L3MBTL4: variants seen among roughly 807,000 people sequenced by gnomAD.
L3MBTL4 encodes lethal(3)malignant brain tumor-like protein 4.
L3MBTL4 carries 70 observed loss-of-function variants against 84.5 expected under a neutral mutation model. That is an observed-to-expected ratio of 0.83 (90% CI 0.68 to 1.01). The LOEUF is 1.01. L3MBTL4 is among the 50% of genes least tolerant of loss of function. The pLI is 0.00. For synonymous variants in L3MBTL4, 274 were observed against 259.8 expected (o/e 1.05, Z -0.52); for missense variants, 715 against 754.8 (o/e 0.95, Z 0.62).
intron 13 of L3MBTL4, among the ~76,000 whole-genome samples, chr18:6,161,935 A>T (rs1598957123): frequency 6.7e-6 from 1 of 149,896 alleles, no homozygotes; most frequent in Non-Finnish European, 1.5e-5. Context: ...TATATAAAAT[A>T]TATATATATA....
At position 6,146,485 on chromosome 18, in the gene L3MBTL4, A is replaced by G. The variant is rs16949503; in HGVS notation, c.1097-8189T>C. ...AAGCTGCGGAGAAGGCGCTCAGTCC[A>G]TGCAACGGTTGAACCTGCACCTGGC... is the stretch of plus-strand genomic sequence containing the variant. On this transcript the variant is annotated intron_variant, in intron 13 of 18. Coordinates refer to ENST00000317931, the MANE Select transcript of L3MBTL4 (RefSeq NM_001330559.2). Among the ~76,000 whole-genome samples the G allele has an allele frequency of 7.8e-3, 1,189 of 152,304 alleles. 17 individuals carry two copies. The highest frequency in any genetic ancestry group is 0.027 in the African/African-American group (1,133 of 41,566).
chr18:6,195,257 C>T (rs1296781893), intron 12 of L3MBTL4, among the ~76,000 whole-genome samples: 2 of 152,176 alleles, frequency 1.3e-5, no homozygotes, highest in Non-Finnish European at 2.9e-5. Context: ...GGCAAACCTA[C>T]ATGAGCCATG....
rs571203671 is a variant in L3MBTL4, at chr18:6,325,969, C to T, written c.-90-13913G>A. 3.9e-5 allele frequency among the ~76,000 whole-genome samples: 6 copies of T among 152,272 alleles called. No individual in the cohort carries two copies. The East Asian group carries it at 1.2e-3, about 29-fold the overall frequency. Reference sequence around the variant, plus strand: ...CTGATTGGGAAAAACAAGTATCTCACCAGATCTTTTGTAAGAACATACCAT... The same window carrying T: ...CTGATTGGGAAAAACAAGTATCTCATCAGATCTTTTGTAAGAACATACCAT... On this transcript the variant is annotated intron_variant, in intron 1 of 18. Coordinates refer to ENST00000317931, the MANE Select transcript of L3MBTL4 (RefSeq NM_001330559.2).
At chr18:6,254,099 A>G (rs980676311) in intron 5 of L3MBTL4, among the ~76,000 whole-genome samples, 1 of 152,136 alleles carries the variant, frequency 6.6e-6, no homozygotes, top group Non-Finnish European at 1.5e-5. Context: ...ATTTTATACA[A>G]AATTTTGGGT....
intron 16 of L3MBTL4, among the ~76,000 whole-genome samples, chr18:5,980,975 C>T (rs1274261120): frequency 2.6e-5 from 4 of 152,306 alleles, no homozygotes; most frequent in East Asian, 1.9e-4. Flanking sequence ...GGCTGTGCTG[C>T]TTGGGGAAGC....
intron 12 of L3MBTL4, among the ~76,000 whole-genome samples, chr18:6,172,354 T>C (rs2044016555): frequency 6.6e-6 from 1 of 152,172 alleles, no homozygotes; most frequent in African/African-American, 2.4e-5. Context: ...ACAAGTGCTA[T>C]ACTGATGGGA....
chr18:5,990,060 C>T (rs1398481729), intron 16 of L3MBTL4, among the ~76,000 whole-genome samples: 3 of 152,144 alleles, frequency 2.0e-5, no homozygotes, highest in Non-Finnish European at 4.4e-5. Flanking sequence ...TAAGCAGGCT[C>T]AAAACGAGGC....
At chr18:6,100,004 T>C (rs2058767575) in intron 14 of L3MBTL4, among the ~76,000 whole-genome samples, 1 of 152,166 alleles carries the variant, frequency 6.6e-6, no homozygotes. Flanking sequence ...AGCTGGAAGA[T>C]AATTACTACC....
chr18:6,214,777 A>G (rs2046255536), intron 11 of L3MBTL4, among the ~76,000 whole-genome samples: 1 of 152,236 alleles, frequency 6.6e-6, no homozygotes, highest in South Asian at 2.1e-4. Flanking sequence ...CCTAAGGTAC[A>G]TCCCTGAGCT....
At chr18:6,013,536 T>C (rs2054828934) in intron 16 of L3MBTL4, among the ~76,000 whole-genome samples, 1 of 152,250 alleles carries the variant, frequency 6.6e-6, no homozygotes, top group Non-Finnish European at 1.5e-5. Context: ...CTTCTCACTC[T>C]GCTCATACCC....
chr18:5,966,499 T>C (rs955188508), intron 17 of L3MBTL4, among the ~76,000 whole-genome samples: 1 of 152,100 alleles, frequency 6.6e-6, no homozygotes, highest in Non-Finnish European at 1.5e-5. Context: ...TCTTCTTTCC[T>C]CTTTCTAACT....
At chr18:6,150,222 G>C (rs1432804575) in intron 13 of L3MBTL4, among the ~76,000 whole-genome samples, 1 of 152,024 alleles carries the variant, frequency 6.6e-6, no homozygotes, top group Non-Finnish European at 1.5e-5. Flanking sequence ...AAATATGAAA[G>C]TTACCCATAA....
chr18:6,407,876 G>A (rs915745573), intron 1 of L3MBTL4, among the ~76,000 whole-genome samples: 8 of 152,186 alleles, frequency 5.3e-5, no homozygotes, highest in South Asian at 2.1e-4. Flanking sequence ...AATTGTGGAC[G>A]ACAACAGTAC....
intron 5 of L3MBTL4, among the ~76,000 whole-genome samples, chr18:6,247,926 T>C (rs1318046890): frequency 1.3e-5 from 2 of 152,070 alleles, no homozygotes; most frequent in Admixed American, 6.6e-5. Context: ...GCACATGATG[T>C]CCTTCTGTCC....
intron 12 of L3MBTL4, among the ~76,000 whole-genome samples, chr18:6,172,376 T>G (rs1300028550): frequency 6.6e-6 from 1 of 152,062 alleles, no homozygotes; most frequent in Non-Finnish European, 1.5e-5. Context: ...ATACACAGAT[T>G]AGAGTATAAA....
chr18:6,290,878 T>C (rs993764861), intron 4 of L3MBTL4, among the ~76,000 whole-genome samples: 1 of 152,138 alleles, frequency 6.6e-6, no homozygotes, highest in Non-Finnish European at 1.5e-5. Flanking sequence ...TCCTAAGTTC[T>C]AGGTTCATCC....
At chr18:6,396,419 T>C (rs2055272275) in intron 1 of L3MBTL4, 1 of 152,748 alleles carries the variant, frequency 6.5e-6, no homozygotes. Context: ...CCTCATCTGC[T>C]ACCACCCACC....
At chr18:6,315,541 A>C (rs1372555616) in intron 1 of L3MBTL4, among the ~76,000 whole-genome samples, 1 of 152,242 alleles carries the variant, frequency 6.6e-6, no homozygotes, top group Non-Finnish European at 1.5e-5. Flanking sequence ...AAGAGGAAAC[A>C]CCAAGGGGTT....
Position 6,409,139 on chromosome 18 carries a change from C to T in L3MBTL4, c.-91+5662G>A, listed in dbSNP as rs77966990. On this transcript the variant is annotated intron_variant, in intron 1 of 18. Coordinates refer to ENST00000317931, the MANE Select transcript of L3MBTL4 (RefSeq NM_001330559.2). ...TGTTACACAGCACCAAGTGAGTGTA[C>T]CAGGTGTAACCAGATTAGAAAATCA... 7.5e-3 allele frequency among the ~76,000 whole-genome samples: 1,147 copies of T among 152,212 alleles called. 22 individuals are homozygous for T. Among genetic ancestry groups the T allele is most frequent in the African/African-American group, 0.027 (1,111 of 41,516 alleles).
Sources: gnomAD v4.1 joint callset for allele counts (sites outside exome capture counted in the v4.1 genomes callset) on GRCh38, gnomAD v4.1.1 for gene constraint, MANE v1.5 for transcripts, NCBI Gene and HGNC (gene_info 2026-07-23, HGNC 2026-07-21) for gene names.